The following DENND1B variants were observed in gnomAD, a reference collection of about 807,000 sequenced individuals.
DENND1B encodes the protein DENN domain-containing protein 1B.
In DENND1B, 59 loss-of-function variants were observed where a neutral mutation model predicts 90.1. The ratio of observed to expected loss-of-function variants is 0.65; its 90% CI spans 0.53 to 0.81. DENND1B has a LOEUF of 0.81. DENND1B is among the 40% of genes least tolerant of loss of function. DENND1B has a pLI of 0.00. For synonymous variants in DENND1B, 337 were observed against 324.6 expected (o/e 1.04, Z -0.41); for missense variants, 862 against 912.6 (o/e 0.94, Z 0.71).
At chr1:197,649,912 A>G (rs1206935832) in intron 7 of DENND1B, among the ~76,000 whole-genome samples, 4 of 152,226 alleles carry the variant, frequency 2.6e-5, no homozygotes, top group Admixed American at 6.5e-5. Flanking sequence ...CAAAAGGTAC[A>G]GTAAGCAGAG....
intron 15 of DENND1B, among the ~76,000 whole-genome samples, chr1:197,562,799 C>A (rs529383166): frequency 6.6e-6 from 1 of 152,034 alleles, no homozygotes; most frequent in African/African-American, 2.4e-5. Context: ...AAGCAATTAG[C>A]CAAGTTGTGG....
chr1:197,561,782 T>C (rs1478761083), intron 15 of DENND1B, among the ~76,000 whole-genome samples: 1 of 151,956 alleles, frequency 6.6e-6, no homozygotes, highest in Non-Finnish European at 1.5e-5. Flanking sequence ...TCAGATGAGA[T>C]AACATGGAAT....
At chr1:197,730,776 A>G (rs1332509804) in intron 2 of DENND1B, among the ~76,000 whole-genome samples, 2 of 152,136 alleles carry the variant, frequency 1.3e-5, no homozygotes, top group Non-Finnish European at 2.9e-5. Context: ...AAGAAAATGA[A>G]CATGGACATT....
chr1:197,587,195 T>C (rs532682906), intron 14 of DENND1B, among the ~76,000 whole-genome samples: 4 of 152,232 alleles, frequency 2.6e-5, no homozygotes, highest in African/African-American at 9.6e-5. Context: ...AAACGACTTA[T>C]GCAATTGAGA....
intron 3 of DENND1B, among the ~76,000 whole-genome samples, chr1:197,687,524 C>T (rs920448164): frequency 6.6e-6 from 1 of 152,094 alleles, no homozygotes; most frequent in African/African-American, 2.4e-5. Context: ...TTTATCTAAT[C>T]TTCTAAGCAA....
intron 15 of DENND1B, among the ~76,000 whole-genome samples, chr1:197,565,939 G>A (rs1489344952): frequency 4.6e-5 from 7 of 150,582 alleles, no homozygotes; most frequent in South Asian, 2.1e-4. Context: ...GAATAGTGCC[G>A]CAATAAACAT....
chr1:197,636,828 C>G, intron 10 of DENND1B, among the ~76,000 whole-genome samples: 1 of 151,888 alleles, frequency 6.6e-6, no homozygotes, highest in Admixed American at 6.6e-5. Context: ...GAGGTAGAAC[C>G]TATAGGATGT....
chr1:197,687,736 T>C (rs532882367), intron 3 of DENND1B, among the ~76,000 whole-genome samples: 7 of 152,142 alleles, frequency 4.6e-5, no homozygotes, highest in Non-Finnish European at 8.8e-5. Context: ...ACTGGAAGTC[T>C]TTCCTTAAGA....
chr1:197,630,972 T>C (rs930728206), intron 10 of DENND1B, among the ~76,000 whole-genome samples: 7 of 151,996 alleles, frequency 4.6e-5, no homozygotes, highest in African/African-American at 1.7e-4. Flanking sequence ...TATCACATTA[T>C]ACATAAATGC....
chr1:197,572,777 G>C lies in DENND1B; in HGVS notation c.1149+10375C>G, dbSNP rs536446303. Among the ~76,000 whole-genome samples the C allele has an allele frequency of 2.0e-5, 3 of 152,270 alleles. No individual in the cohort carries two copies. In the East Asian group the frequency reaches 5.8e-4, roughly 29 times the overall value. ...CCACTGTTGATACTCAGGCAAACAG[G>C]CTCTGGAGTAGACCTCCAGCAAACT... is the stretch of plus-strand genomic sequence containing the variant. On this transcript the variant is annotated intron_variant, in intron 15 of 22. Transcript: ENST00000620048.
chr1:197,650,071 A>G (rs1418071373), intron 7 of DENND1B, among the ~76,000 whole-genome samples: 1 of 152,212 alleles, frequency 6.6e-6, no homozygotes, highest in East Asian at 1.9e-4. Context: ...TCAAAAGAAT[A>G]TATTCAAATG....
intron 20 of DENND1B, among the ~76,000 whole-genome samples, chr1:197,526,703 T>C (rs1485136719): frequency 6.6e-6 from 1 of 152,154 alleles, no homozygotes; most frequent in Non-Finnish European, 1.5e-5. Flanking sequence ...AAAAAGATTA[T>C]CTTCCATTAT....
At chr1:197,655,905 G>C (rs1187583310) in intron 6 of DENND1B, among the ~76,000 whole-genome samples, 1 of 152,112 alleles carries the variant, frequency 6.6e-6, no homozygotes, top group African/African-American at 2.4e-5. Context: ...CAACTGTATA[G>C]AGTTATGTTC....
At chr1:197,619,550 T>C (rs1677961347) in intron 10 of DENND1B, among the ~76,000 whole-genome samples, 1 of 151,218 alleles carries the variant, frequency 6.6e-6, no homozygotes, top group South Asian at 2.1e-4. Flanking sequence ...GAGTGTTCTT[T>C]TTTTGTTACT....
chr1:197,647,087 G>T lies in DENND1B; in HGVS notation c.475C>A (p.Gln159Lys). 6.8e-7 allele frequency: 1 copy of T among 1,461,974 alleles called. No homozygotes were observed. Among genetic ancestry groups the T allele is most frequent in the Non-Finnish European group, 9.0e-7 (1 of 1,115,278 alleles). 90.6% of individuals were successfully genotyped at this position (1,461,974 alleles called of 1,614,324 possible). Reference sequence around the variant, plus strand: ...AGAGCAGGCTGATCTTTCAGAACTTGCTCACAGGCAATAAATATCTCTTGG... The same window carrying T: ...AGAGCAGGCTGATCTTTCAGAACTTTCTCACAGGCAATAAATATCTCTTGG... ...VNQEIFIACEQVLKDQPALVP... is the reference protein window; with the variant it reads ...VNQEIFIACEKVLKDQPALVP... Residue 159 changes from glutamine (Q) to lysine (K), a missense_variant, in exon 8 of 23, where the codon CAA becomes AAA. Physicochemically the swap from Gln to Lys is moderately conservative, Grantham distance 53. Coordinates refer to ENST00000620048, the MANE Select transcript of DENND1B (RefSeq NM_001195215.2).
chr1:197,742,538 T>C (rs1775441), intron 2 of DENND1B, among the ~76,000 whole-genome samples: 123,546 of 152,080 alleles, frequency 0.81, 50,587 homozygotes, highest in African/African-American at 0.91. Flanking sequence ...GCTGGCCCAC[T>C]ATAAACAATG....
intron 2 of DENND1B, among the ~76,000 whole-genome samples, chr1:197,723,574 C>A (rs945463586): frequency 6.6e-6 from 1 of 152,042 alleles, no homozygotes; most frequent in Non-Finnish European, 1.5e-5. Context: ...TCATTAAAAG[C>A]CAACACAAAC....
chr1:197,716,115 C>G (rs900890859), intron 2 of DENND1B, among the ~76,000 whole-genome samples: 1 of 151,716 alleles, frequency 6.6e-6, no homozygotes, highest in Non-Finnish European at 1.5e-5. Flanking sequence ...ATATTTCATA[C>G]CATTTTCTAA....
rs542731638 is a variant in DENND1B, at chr1:197,715,360, T to C, written c.83-286A>G. ...ATTTCTTTTAGCAACTCACTTTTTA[T>C]TGACATACTTTAGATTTTAAGATTT... On this transcript the variant is annotated intron_variant, in intron 2 of 22. Transcript: ENST00000620048. 1.1e-4 allele frequency among the ~76,000 whole-genome samples: 16 copies of C among 152,066 alleles called. No homozygotes were observed. The South Asian group carries it at 3.3e-3, about 32-fold the overall frequency.
Sources: allele counts gnomAD v4.1 joint callset (sites outside exome capture counted in the v4.1 genomes callset), GRCh38; gene constraint gnomAD v4.1.1; transcripts MANE v1.5; gene names NCBI Gene and HGNC (gene_info 2026-07-23, HGNC 2026-07-21).